The following SCAPER variants were observed in gnomAD, a reference collection of about 807,000 sequenced individuals.
The protein encoded by SCAPER is S-phase cyclin A associated protein in the ER, also known as S phase cyclin A-associated protein in the endoplasmic reticulum.
In SCAPER, 98 loss-of-function variants were observed where a neutral mutation model predicts 182.2. That is an observed-to-expected ratio of 0.54 (90% confidence interval 0.46 to 0.64). The LOEUF (loss-of-function observed/expected upper bound fraction) is 0.64. Among genes scored for constraint, SCAPER ranks in the 30% least tolerant of loss-of-function variants. The probability of loss-of-function intolerance (pLI) is 0.00; values close to 1 mark genes in which losing one functional copy is unlikely to be tolerated. For synonymous variants in SCAPER, 605 were observed against 564.6 expected, an observed-to-expected ratio of 1.07 and a Z score of -1.01; for missense variants, 1,432 against 1,690.0, an observed-to-expected ratio of 0.85 and a Z score of 2.68.
At chr15:76,546,772 T>C (rs2045328558) in intron 23 of SCAPER, among the ~76,000 whole-genome samples, 1 of 152,142 alleles carries the variant, frequency 6.6e-6, no homozygotes, top group African/African-American at 2.4e-5. Context: ...AACTTAAGTT[T>C]TACGACTTAA....
chr15:76,629,143 T>C (rs1168315795), intron 21 of SCAPER, among the ~76,000 whole-genome samples: 1 of 152,190 alleles, frequency 6.6e-6, no homozygotes, highest in African/African-American at 2.4e-5. Flanking sequence ...GCTTATCAGC[T>C]TAAGAAGCTT....
chr15:76,726,156 A>ATATATATGTATATATATATAT (rs56986282), intron 17 of SCAPER, among the ~76,000 whole-genome samples: 4 of 79,724 alleles, frequency 5.0e-5, no homozygotes, highest in African/African-American at 2.1e-4. Context: ...TATATATATA[A>ATATATATGTATATATATATAT]AAAACTCTAT....
At chr15:76,761,654 T>C (rs751180398) in intron 14 of SCAPER, among the ~76,000 whole-genome samples, 3 of 152,228 alleles carry the variant, frequency 2.0e-5, no homozygotes, top group Non-Finnish European at 2.9e-5. Context: ...AAGATATTGG[T>C]ATGATTTCCA....
chr15:76,495,600 A>AAG lies in SCAPER; in HGVS notation c.2954+9257_2954+9258dup, dbSNP rs1172793844. Among the ~76,000 whole-genome samples the AAG allele has an allele frequency of 1.4e-3, 213 of 149,890 alleles. 1 individual carries two copies. The highest frequency in any genetic ancestry group is 2.0e-3 in the Non-Finnish European group (138 of 67,354). ...CTCAAAAAAAAAAAAAAAAAAAAAA[A>AAG]AGAGAGAGAGAGACGATGCAATGCT... On this transcript the variant is annotated intron_variant, in intron 24 of 31. Coordinates refer to ENST00000563290, the MANE Select transcript of SCAPER (RefSeq NM_020843.4).
intron 14 of SCAPER, among the ~76,000 whole-genome samples, chr15:76,756,508 T>C (rs954994277): frequency 2.6e-5 from 4 of 151,990 alleles, no homozygotes; most frequent in Admixed American, 6.6e-5. Flanking sequence ...AGCCCAGAAG[T>C]TCTAGGCTGC....
At chr15:76,546,449 C>T (rs1332426338) in intron 23 of SCAPER, among the ~76,000 whole-genome samples, 1 of 152,094 alleles carries the variant, frequency 6.6e-6, no homozygotes, top group Non-Finnish European at 1.5e-5. Flanking sequence ...CTTGGCCTCC[C>T]AAAGTGCTGT....
chr15:76,610,987 C>A (rs1199153194), intron 22 of SCAPER, among the ~76,000 whole-genome samples: 2 of 152,104 alleles, frequency 1.3e-5, no homozygotes, highest in Non-Finnish European at 2.9e-5. Flanking sequence ...AAGAACAGAA[C>A]TGAAGGCATC....
At chr15:76,671,034 A>G (rs2056976446) in intron 20 of SCAPER, among the ~76,000 whole-genome samples, 1 of 152,206 alleles carries the variant, frequency 6.6e-6, no homozygotes, top group Non-Finnish European at 1.5e-5. Flanking sequence ...ATGAAGAAGT[A>G]ATAGTCATTA....
chr15:76,409,442 C>T (rs902577805), intron 26 of SCAPER, among the ~76,000 whole-genome samples: 1 of 152,202 alleles, frequency 6.6e-6, no homozygotes, highest in Admixed American at 6.5e-5. Flanking sequence ...AGTCCCTTTG[C>T]AGCTTTCTGT....
intron 26 of SCAPER, among the ~76,000 whole-genome samples, chr15:76,415,644 G>A (rs1015995497): frequency 1.3e-5 from 2 of 152,116 alleles, no homozygotes; most frequent in African/African-American, 2.4e-5. Context: ...TAGCATTTAC[G>A]TAAATTTAAA....
At chr15:76,763,974 C>A (rs760499362) in intron 14 of SCAPER, among the ~76,000 whole-genome samples, 5 of 151,598 alleles carry the variant, frequency 3.3e-5, no homozygotes, top group Non-Finnish European at 5.9e-5. Flanking sequence ...GGGTTGCTTG[C>A]TGGATATTTA....
rs1364177354 is a variant in SCAPER at position 76,702,912 on chromosome 15, C to A, written c.2338G>T (p.Asp780Tyr). The A allele has an allele frequency of 2.5e-6, 4 of 1,611,268 alleles. No homozygotes were observed. In the East Asian group the frequency reaches 8.9e-5, roughly 36 times the overall value. Residue 780 changes from aspartate (D) to tyrosine (Y), a missense_variant, in exon 19 of 32, where the codon GAT becomes TAT. By Grantham distance (160) the Asp-to-Tyr change is radical. Coordinates refer to ENST00000563290, the MANE Select transcript of SCAPER (RefSeq NM_020843.4). ...TAAGGGGTCAGTTTGGGGGCATAAT[C>A]AGTATTTGCATGTCGCCCACTGCTT... ...ELSSGRHANT[D>Y]YAPKLTPYER...
At chr15:76,683,190 C>T (rs2057832302) in intron 20 of SCAPER, among the ~76,000 whole-genome samples, 1 of 151,722 alleles carries the variant, frequency 6.6e-6, no homozygotes, top group Non-Finnish European at 1.5e-5. Flanking sequence ...AAAAATGAAA[C>T]ACTCATTTTA....
At chr15:76,382,367 T>C (rs924677249) in intron 27 of SCAPER, among the ~76,000 whole-genome samples, 3 of 43,112 alleles carry the variant, frequency 7.0e-5, no homozygotes, top group East Asian at 1.1e-3. Context: ...TTTTCTTTTA[T>C]TTTTTTTTTT....
chr15:76,795,814 C>A (rs939125712), intron 7 of SCAPER, among the ~76,000 whole-genome samples: 2 of 152,172 alleles, frequency 1.3e-5, no homozygotes, highest in African/African-American at 4.8e-5. Flanking sequence ...GTAGTCCCAG[C>A]ACCCTGGGAA....
At chr15:76,817,713 G>T (rs775658722) in intron 5 of SCAPER, among the ~76,000 whole-genome samples, 2 of 151,838 alleles carry the variant, frequency 1.3e-5, no homozygotes, top group African/African-American at 2.4e-5. Context: ...TAAATAAACA[G>T]AATACCATTT....
intron 23 of SCAPER, among the ~76,000 whole-genome samples, chr15:76,572,636 C>G (rs1567493869): frequency 6.6e-6 from 1 of 152,140 alleles, no homozygotes. Flanking sequence ...CAGTGATTCT[C>G]AAAATATGGT....
chr15:76,404,461 T>C, intron 27 of SCAPER, 63 bp downstream of exon 27: 2 of 1,513,882 alleles, frequency 1.3e-6, no homozygotes, highest in Non-Finnish European at 1.8e-6. Flanking sequence ...GACCCTAGAA[T>C]GGGCAAAATT....
At chr15:76,381,868 A>G (rs769870512) in intron 27 of SCAPER, among the ~76,000 whole-genome samples, 28 of 152,170 alleles carry the variant, frequency 1.8e-4, no homozygotes, top group Non-Finnish European at 3.2e-4. Flanking sequence ...GAGGCTGCCA[A>G]CCACCCTTCC....
Sources: gnomAD v4.1 joint callset for allele counts (sites outside exome capture counted in the v4.1 genomes callset) on GRCh38, gnomAD v4.1.1 for gene constraint, MANE v1.5 for transcripts, NCBI Gene and HGNC (gene_info 2026-07-23, HGNC 2026-07-21) for gene names.